Variants in GPC6 observed in about 807,000 individuals in gnomAD.
GPC6 encodes glypican-6.
In GPC6, 14 loss-of-function variants were observed where a neutral mutation model predicts 55.2. The observed-to-expected ratio is 0.25, with a 90% CI of 0.17 to 0.40. The LOEUF (loss-of-function observed/expected upper bound fraction) is 0.40, where lower values mean the gene tolerates loss of function less well. GPC6 is among the 10% of genes least tolerant of loss of function. The pLI is 1.00. For missense variants in GPC6, 641 were observed against 708.5 expected (o/e 0.90, Z 1.08); for synonymous variants, 278 against 259.6 (o/e 1.07, Z -0.68).
At chr13:93,973,771 C>T (rs553818873) in intron 3 of GPC6, among the ~76,000 whole-genome samples, 2 of 152,160 alleles carry the variant, frequency 1.3e-5, no homozygotes, top group South Asian at 2.1e-4. Context: ...GAGAGATGAT[C>T]GATTCTCCCA....
intron 4 of GPC6, among the ~76,000 whole-genome samples, chr13:94,194,379 A>T (rs1889496105): frequency 6.6e-6 from 1 of 152,138 alleles, no homozygotes; most frequent in Non-Finnish European, 1.5e-5. Flanking sequence ...GGCAACTCCA[A>T]TGTATGCATA....
intron 4 of GPC6, among the ~76,000 whole-genome samples, chr13:94,114,318 G>C (rs1425271505): frequency 6.6e-6 from 1 of 152,044 alleles, no homozygotes; most frequent in Non-Finnish European, 1.5e-5. Flanking sequence ...AAAGAGATTG[G>C]GAAAGATTTG....
intron 3 of GPC6, among the ~76,000 whole-genome samples, chr13:93,873,761 C>A (rs555944113): frequency 6.6e-6 from 1 of 152,100 alleles, no homozygotes; most frequent in African/African-American, 2.4e-5. Context: ...GATTTCAACC[C>A]TTCATGAAAC....
At chr13:94,320,790 C>T (rs530002578) in intron 6 of GPC6, among the ~76,000 whole-genome samples, 2 of 152,328 alleles carry the variant, frequency 1.3e-5, no homozygotes, top group East Asian at 3.9e-4. Context: ...TTCTTGCCAA[C>T]TTGTTGACTC....
At chr13:94,173,964 A>G (rs1444925408) in intron 4 of GPC6, among the ~76,000 whole-genome samples, 1 of 152,176 alleles carries the variant, frequency 6.6e-6, no homozygotes, top group African/African-American at 2.4e-5. Flanking sequence ...TTTGATTATC[A>G]TCTTGATTAC....
At chr13:93,611,163 A>G (rs556375413) in intron 2 of GPC6, among the ~76,000 whole-genome samples, 7 of 152,272 alleles carry the variant, frequency 4.6e-5, no homozygotes, top group Non-Finnish European at 8.8e-5. Context: ...CTCGAGTACT[A>G]TATAAACTTT....
intron 2 of GPC6, among the ~76,000 whole-genome samples, chr13:93,700,213 A>T (rs780770766): frequency 1.2e-4 from 18 of 152,044 alleles, no homozygotes; most frequent in Non-Finnish European, 2.4e-4. Flanking sequence ...TATACTGAGG[A>T]TTTATCCTAG....
intron 2 of GPC6, among the ~76,000 whole-genome samples, chr13:93,550,811 C>T (rs536091015): frequency 6.6e-6 from 1 of 152,190 alleles, no homozygotes; most frequent in Non-Finnish European, 1.5e-5. Flanking sequence ...TGTGTGATTT[C>T]TATTTGAAAA....
chr13:94,097,571 A>G (rs1379894754), intron 4 of GPC6, among the ~76,000 whole-genome samples: 1 of 151,434 alleles, frequency 6.6e-6, no homozygotes, highest in African/African-American at 2.4e-5. Flanking sequence ...TCAAATTTGC[A>G]GTATGAAAAG....
intron 3 of GPC6, among the ~76,000 whole-genome samples, chr13:93,919,706 C>G (rs751364193): frequency 6.6e-6 from 1 of 152,092 alleles, no homozygotes; most frequent in African/African-American, 2.4e-5. Context: ...TAGCATAAAC[C>G]GAAAATGCTG....
chr13:94,272,512 A>AGGC (rs1892069308), intron 4 of GPC6, among the ~76,000 whole-genome samples: 2 of 120,032 alleles, frequency 1.7e-5, no homozygotes, highest in African/African-American at 6.7e-5. Flanking sequence ...TCTGTTGCCC[A>AGGC]GGCTGGAGTG....
chr13:94,144,338 G>C (rs1401654463), intron 4 of GPC6, among the ~76,000 whole-genome samples: 2 of 151,224 alleles, frequency 1.3e-5, no homozygotes, highest in East Asian at 3.9e-4. Flanking sequence ...TCCATGAATG[G>C]TCCATGATGG....
At chr13:93,307,536 T>C (rs1203769365) in intron 1 of GPC6, among the ~76,000 whole-genome samples, 1 of 152,120 alleles carries the variant, frequency 6.6e-6, no homozygotes, top group African/African-American at 2.4e-5. Flanking sequence ...AAACCACTCA[T>C]ACCTATGTAT....
At chr13:93,784,959 C>A (rs956263444) in intron 2 of GPC6, among the ~76,000 whole-genome samples, 3 of 152,058 alleles carry the variant, frequency 2.0e-5, no homozygotes, top group South Asian at 4.1e-4. Context: ...GAAGTAGCAA[C>A]ACACCTGGAA....
intron 2 of GPC6, among the ~76,000 whole-genome samples, chr13:93,715,758 AT>A (rs1883231500): frequency 6.6e-6 from 1 of 151,716 alleles, no homozygotes; most frequent in Non-Finnish European, 1.5e-5. Context: ...AATGGTGATT[AT>A]TTTAAACTAC....
chr13:93,658,718 T>A (rs1158642273), intron 2 of GPC6, among the ~76,000 whole-genome samples: 1 of 151,786 alleles, frequency 6.6e-6, no homozygotes, highest in Non-Finnish European at 1.5e-5. Flanking sequence ...TAGTTATTAC[T>A]AATATTAAAT....
intron 2 of GPC6, among the ~76,000 whole-genome samples, chr13:93,700,232 T>C (rs943256801): frequency 7.9e-5 from 12 of 152,020 alleles, no homozygotes; most frequent in African/African-American, 2.9e-4. Flanking sequence ...AGCACACTGG[T>C]CAGTACATTA....
intron 2 of GPC6, among the ~76,000 whole-genome samples, chr13:93,756,267 T>C (rs1884765920): frequency 6.6e-6 from 1 of 152,152 alleles, no homozygotes; most frequent in South Asian, 2.1e-4. Context: ...TTTGGCACCC[T>C]GGTCACCATA....
intron 6 of GPC6, among the ~76,000 whole-genome samples, chr13:94,361,253 A>G (rs1223688265): frequency 1.3e-5 from 2 of 152,214 alleles, no homozygotes; most frequent in African/African-American, 4.8e-5. Context: ...CAACTAGATC[A>G]TAGCTTCTTG....
Sources: allele counts gnomAD v4.1 joint callset (sites outside exome capture counted in the v4.1 genomes callset), GRCh38; gene constraint gnomAD v4.1.1; transcripts MANE v1.5; gene names NCBI Gene and HGNC (gene_info 2026-07-23, HGNC 2026-07-21).